The following VWA7 variants were observed in gnomAD, a reference collection of about 807,000 sequenced individuals.
VWA7 encodes the protein von Willebrand factor A domain containing 7, also known as von Willebrand factor A domain-containing protein 7.
In VWA7, 66 loss-of-function variants were observed where a neutral mutation model predicts 83.1. The observed-to-expected ratio is 0.79, with a 90% CI of 0.65 to 0.98. The LOEUF is 0.98. Ranked by LOEUF, VWA7 falls within the 50% of genes least tolerant of loss-of-function variation. VWA7 has a pLI of 0.00. For missense variants in VWA7, 1,080 were observed against 1,160.2 expected (o/e 0.93, Z 1.00); for synonymous variants, 424 against 488.5 (o/e 0.87, Z 1.74).
chr6:31,774,353 C>T (rs1021102146), intron 5 of VWA7, among the ~76,000 whole-genome samples, 163 bp downstream of exon 5: 3 of 151,952 alleles, frequency 2.0e-5, no homozygotes, highest in Non-Finnish European at 4.4e-5. Flanking sequence ...ACCTCAACCC[C>T]ACCACAGCCT....
At position 31,774,645 on chromosome 6, in the gene VWA7, G is replaced by A. The variant is rs1157599392; in HGVS notation, c.611-19C>T. ...TCGGCCACTGGGAAGAGAGGGCAGGGCTAGAACCCAAGATTCTGCCACCCC... is the reference window on the plus strand; with the variant it reads ...TCGGCCACTGGGAAGAGAGGGCAGGACTAGAACCCAAGATTCTGCCACCCC... On this transcript the variant is annotated intron_variant, in intron 4 of 16. Coordinates refer to ENST00000375688, the MANE Select transcript of VWA7 (RefSeq NM_025258.3). 3 of 1,601,726 alleles carry A rather than the reference G, an allele frequency of 1.9e-6. No individual in the cohort carries two copies. The highest frequency in any genetic ancestry group is 1.7e-4 in the Middle Eastern group (1 of 5,850).
At chr6:31,774,492 C>G in intron 5 of VWA7, 24 bp downstream of exon 5, 1 of 1,604,850 alleles carries the variant, frequency 6.2e-7, no homozygotes. Flanking sequence ...CCCCTTACTT[C>G]TGGGGAACTT....
Position 31,776,806 on chromosome 6 carries a change from A to G in VWA7, c.-15-12T>C. Reference sequence around the variant, plus strand: ...GCTGAGACATGGACCTGGGAGACAGAAGGCTCTCAAGGGAGGAGGAAGCAG... The same window carrying G: ...GCTGAGACATGGACCTGGGAGACAGGAGGCTCTCAAGGGAGGAGGAAGCAG... On this transcript the variant is annotated splice_polypyrimidine_tract_variant and intron_variant, in intron 1 of 16. Transcript: ENST00000375688. This position sits in a 1 kb window ranked among gnomAD's most constrained non-coding sequence, Gnocchi z 6.2. 7.6e-7 allele frequency: 1 copy of G among 1,321,514 alleles called. No homozygotes were observed. The highest frequency in any genetic ancestry group is 1.8e-5 in the South Asian group (1 of 55,436). 81.9% of individuals were successfully genotyped at this position (1,321,514 alleles called of 1,614,324 possible).
chr6:31,771,459 T>G (rs1361547980), intron 7 of VWA7: 1 of 152,194 alleles, frequency 6.6e-6, no homozygotes, highest in East Asian at 1.9e-4. Flanking sequence ...CTGATGACAT[T>G]CCAACATCCT....
In VWA7 at chr6:31,765,995, G is replaced by A. The variant is rs1247104862; in HGVS notation, c.2387C>T (p.Ala796Val). The change falls in exon 16 of 17, where the codon GCG becomes GTG. Residue 796 changes from alanine (A) to valine (V), a missense_variant. Ala to Val is a moderately conservative substitution (Grantham distance 64). Coordinates refer to ENST00000375688, the MANE Select transcript of VWA7 (RefSeq NM_025258.3). Reference sequence around the variant, plus strand: ...CACCATCACCACGGAATCCGGGGCCGCTGAATCTGGGACCTCCAGCCACAG... The same window carrying A: ...CACCATCACCACGGAATCCGGGGCCACTGAATCTGGGACCTCCAGCCACAG... ...GRLWLEVPDS[A>V]APDSVVMVTV... 5 of 1,612,822 alleles carry A rather than the reference G, an allele frequency of 3.1e-6. No individual in the cohort carries two copies. The highest frequency in any genetic ancestry group is 2.2e-5 in the East Asian group (1 of 44,886).
rs1190127175 is a variant in VWA7 at position 31,774,397 on chromosome 6, C to T, written c.721+119G>A. 4.1e-6 allele frequency: 4 copies of T among 979,908 alleles called. No individual in the cohort carries two copies. In the African/African-American group the frequency reaches 4.9e-5, roughly 12 times the overall value. 60.7% of individuals were successfully genotyped at this position (979,908 alleles called of 1,614,324 possible). On this transcript the variant is annotated intron_variant, in intron 5 of 16. Transcript: ENST00000375688. Reference sequence around the variant, plus strand: ...GACTTTCCTCCACCCACCCTGTTCCCAGCATCCTCTCCTCCTAGGAGGAGA... The same window carrying T: ...GACTTTCCTCCACCCACCCTGTTCCTAGCATCCTCTCCTCCTAGGAGGAGA...
chr6:31,775,973 A>G lies in VWA7; in HGVS notation c.504T>C (p.His168=). ...LARQRLGAAL[H]ALQDFYSHSN... ...CCAACCCTGTTCTCACCTGCAGGGCATGAAGTGCAGCCCCGAGGCGCTGGC... is the reference window on the plus strand; with the variant it reads ...CCAACCCTGTTCTCACCTGCAGGGCGTGAAGTGCAGCCCCGAGGCGCTGGC... The change falls in exon 3 of 17, where the codon CAT becomes CAC. Residue 168 remains histidine (H), a synonymous_variant. Coordinates refer to ENST00000375688, the MANE Select transcript of VWA7 (RefSeq NM_025258.3). The surrounding 1 kb of genome is among the most constrained non-coding windows in gnomAD (Gnocchi z 5.9). 1 of 1,609,924 alleles carries G rather than the reference A, an allele frequency of 6.2e-7. No individual in the cohort carries two copies. The highest frequency in any genetic ancestry group is 8.5e-7 in the Non-Finnish European group (1 of 1,178,476).
rs1328889571 is a variant in VWA7 at position 31,765,764 on chromosome 6, G to C, written c.2506C>G (p.His836Asp). ...TCAGATGAGCCGGTAGGGGTGGTGTGCCGGTCCTGTGGGGAAAAGGAAGAG... is the reference window on the plus strand; with the variant it reads ...TCAGATGAGCCGGTAGGGGTGGTGTCCCGGTCCTGTGGGGAAAAGGAAGAG... ...LVSAPAPQDRHTTPTGSSDPI... is the reference protein window; with the variant it reads ...LVSAPAPQDRDTTPTGSSDPI... Residue 836 changes from histidine to aspartate, a missense_variant, in exon 17 of 17, where the codon CAC becomes GAC. Transcript: ENST00000375688. 2.5e-6 allele frequency: 4 copies of C among 1,586,190 alleles called. No homozygotes were observed. In the East Asian group the frequency reaches 9.0e-5, roughly 36 times the overall value.
intron 7 of VWA7, among the ~76,000 whole-genome samples, chr6:31,772,573 T>C (rs1274584051): frequency 6.9e-6 from 1 of 145,956 alleles, no homozygotes; most frequent in Non-Finnish European, 1.5e-5. Context: ...TCTTTTTTTT[T>C]TCTTTCTTTT....
Position 31,775,951 on chromosome 6 carries a change from A to T in VWA7, c.513+13T>A. 1.2e-6 allele frequency: 2 copies of T among 1,602,480 alleles called. No individual in the cohort carries two copies. Among genetic ancestry groups the T allele is most frequent in the Non-Finnish European group, 1.7e-6 (2 of 1,174,486 alleles). On this transcript the variant is annotated intron_variant, in intron 3 of 16. Coordinates refer to ENST00000375688, the MANE Select transcript of VWA7 (RefSeq NM_025258.3). This position sits in a 1 kb window ranked among gnomAD's most constrained non-coding sequence, Gnocchi z 5.9. ...GAAGACCCCTCTGACCATCAACCCA[A>T]CCCTGTTCTCACCTGCAGGGCATGA...
Position 31,777,200 on chromosome 6 carries a change from GGGGA to G in VWA7, c.-111_-108del, listed in dbSNP as rs1812772237. The G allele has an allele frequency of 5.1e-6, 2 of 390,700 alleles. No homozygotes were observed. Among genetic ancestry groups the G allele is most frequent in the East Asian group, 4.4e-5 (1 of 22,674 alleles). The allele number at this position is 390,700 out of a possible 1,614,324, so 24.2% of individuals were successfully genotyped here. Reference sequence around the variant, plus strand: ...TATAATTAACCGAGGCTCAGCAGAGGGGGAGGAAGGCCTCAACAGGGTGGGGGAG... The same window carrying G: ...TATAATTAACCGAGGCTCAGCAGAGGGGAAGGCCTCAACAGGGTGGGGGAG... On this transcript the variant is annotated 5_prime_UTR_variant, in exon 1 of 17. Transcript: ENST00000375688. The surrounding 1 kb of genome is among the most constrained non-coding windows in gnomAD (Gnocchi z 5.8).
At position 31,776,195 on chromosome 6, in the gene VWA7, A is replaced by G; in HGVS notation, c.282T>C (p.Pro94=). Residue 94 remains proline (P), a synonymous_variant, in exon 3 of 17, where the codon CCT becomes CCC. Coordinates refer to ENST00000375688, the MANE Select transcript of VWA7 (RefSeq NM_025258.3). This position sits in a 1 kb window ranked among gnomAD's most constrained non-coding sequence, Gnocchi z 6.2. ...ADDLFAAYFG[P]GSSRRFRAAL... is the part of the protein sequence containing the mutation. ...CTGCTCGGAACCGCCGAGAAGAACC[A>G]GGTCCAAAGTAGGCGGCAAAGAGGT... 3 of 1,614,078 alleles carry G rather than the reference A, an allele frequency of 1.9e-6. No individual in the cohort carries two copies. The highest frequency in any genetic ancestry group is 2.5e-6 in the Non-Finnish European group (3 of 1,180,010).
At chr6:31,774,016 T>C (rs1464737714) in intron 5 of VWA7, among the ~76,000 whole-genome samples, 1 of 150,936 alleles carries the variant, frequency 6.6e-6, no homozygotes, top group African/African-American at 2.4e-5. Flanking sequence ...TAGCCGGGCG[T>C]GGTGGCACAT....
chr6:31,767,735 G>C lies in VWA7; in HGVS notation c.1523C>G (p.Pro508Arg), dbSNP rs1336130787. ...TGGCTGCCCAGGCACCACAACAGGA[G>C]GGTCCAGGGGAAGAGTCACCTTGAG... The part of the protein sequence containing the change: ...MAALVTLPLD[P>R]PVVVPGQPLV... Residue 508 changes from proline (P) to arginine (R), a missense_variant, in exon 11 of 17, where the codon CCT (proline) becomes CGT (arginine). Coordinates refer to ENST00000375688, the MANE Select transcript of VWA7 (RefSeq NM_025258.3). 1 of 1,609,030 alleles carries C rather than the reference G, an allele frequency of 6.2e-7. No individual in the cohort carries two copies. The highest frequency in any genetic ancestry group is 8.5e-7 in the Non-Finnish European group (1 of 1,175,802).
In VWA7 at chr6:31,766,179, C is replaced by A. The variant is rs1432693197; in HGVS notation, c.2324+66G>T. ...AGGGCCAGTCGGAGGGGGACAGGGG[C>A]AGGGCTTGGGATAAGCATTGGCCGG... On this transcript the variant is annotated intron_variant, in intron 15 of 16. Transcript: ENST00000375688. The surrounding 1 kb of genome is among the most constrained non-coding windows in gnomAD (Gnocchi z 4.9). 6.9e-6 allele frequency: 11 copies of A among 1,596,958 alleles called. No individual in the cohort carries two copies. Among genetic ancestry groups the A allele is most frequent in the Non-Finnish European group, 9.4e-6 (11 of 1,170,408 alleles).
At chr6:31,770,167 T>C in intron 7 of VWA7, 54 bp from the exon 8 acceptor site, 5 of 1,474,014 alleles carry the variant, frequency 3.4e-6, no homozygotes, top group Non-Finnish European at 4.7e-6. Flanking sequence ...CCCTCATTCT[T>C]ACCCAGAGCC....
At position 31,775,456 on chromosome 6, in the gene VWA7, G is replaced by A. The variant is rs1245866629; in HGVS notation, c.514-27C>T. The A allele has an allele frequency of 1.9e-6, 3 of 1,599,284 alleles. No individual in the cohort carries two copies. Among genetic ancestry groups the A allele is most frequent in the African/African-American group, 1.3e-5 (1 of 74,572 alleles). On this transcript the variant is annotated intron_variant, in intron 3 of 16. Transcript: ENST00000375688. The surrounding 1 kb of genome is among the most constrained non-coding windows in gnomAD (Gnocchi z 5.9). ...TGGTCCGGAGGACAGGAGAAGGGGA[G>A]TGAGGCACTAGTCTGGCCTTTCTCA...
chr6:31,772,585 T>A (rs1437426885), intron 7 of VWA7, among the ~76,000 whole-genome samples: 3 of 22,626 alleles, frequency 1.3e-4, no homozygotes, highest in Non-Finnish European at 1.8e-4. Flanking sequence ...CTTTCTTTTC[T>A]TTTTTTTTTT....
intron 7 of VWA7, among the ~76,000 whole-genome samples, chr6:31,771,990 CAAAAAAAAAAAAAA>C (rs34193146): frequency 2.4e-5 from 1 of 41,936 alleles, no homozygotes. Flanking sequence ...GACTCCGTCT[CAAAAAAAAAAAAAA>C]AAAAAAAAAA....
Sources: gnomAD v4.1 joint callset for allele counts (sites outside exome capture counted in the v4.1 genomes callset) on GRCh38, gnomAD v4.1.1 for gene constraint, Gnocchi (gnomAD v3.1) non-coding constraint, MANE v1.5 for transcripts, NCBI Gene and HGNC (gene_info 2026-07-23, HGNC 2026-07-21) for gene names.